The following UGT1A7 variants were observed in gnomAD, a reference collection of about 807,000 sequenced individuals.
UGT1A7 encodes UDP glucuronosyltransferase family 1 member A7, also known as UDP-glucuronosyltransferase 1A7.
UGT1A7 carries 33 observed loss-of-function variants against 45.6 expected under a neutral mutation model. The observed-to-expected ratio is 0.72, with a 90% CI of 0.55 to 0.97. The LOEUF (loss-of-function observed/expected upper bound fraction) is 0.97, where lower values mean the gene tolerates loss of function less well. Among genes scored for constraint, UGT1A7 ranks in the 50% least tolerant of loss-of-function variants. The probability of loss-of-function intolerance (pLI) is 0.00; values close to 1 mark genes in which losing one functional copy is unlikely to be tolerated. For missense variants in UGT1A7, 684 were observed against 666.2 expected (o/e 1.03, Z -0.29); for synonymous variants, 274 against 250.6 (o/e 1.09, Z -0.88).
Position 233,772,812 on chromosome 2 carries a change from C to A in UGT1A7, c.*253C>A. ...ATGACATGTGCCATTTTTCAGAGGA[C>A]GTGCAGACAGGCTGGCATTCTAGAT... is the stretch of plus-strand genomic sequence containing the variant. On this transcript the variant is annotated 3_prime_UTR_variant, in exon 5 of 5. Transcript: ENST00000373426. The A allele has an allele frequency of 1.9e-6, 2 of 1,035,896 alleles. No homozygotes were observed. Among genetic ancestry groups the A allele is most frequent in the Non-Finnish European group, 2.6e-6 (2 of 759,452 alleles). 64.2% of individuals were successfully genotyped at this position (1,035,896 alleles called of 1,614,324 possible). A position where few individuals can be genotyped will look rare whatever the true frequency, so the allele number is the denominator to read the frequency against.
Position 233,725,032 on chromosome 2 carries a change from C to T in UGT1A7, c.856-42002C>T, listed in dbSNP as rs1050826468. ...GCCAAACAGCAAAACCCGGTCTCCA[C>T]CAAAACCAGTCAGGCGTGGCGGCGC... On this transcript the variant is annotated intron_variant, in intron 1 of 4. Transcript: ENST00000373426. Among the ~76,000 whole-genome samples the T allele has an allele frequency of 4.4e-4, 66 of 148,404 alleles. 5 individuals are homozygous for T. Among genetic ancestry groups the T allele is most frequent in the Non-Finnish European group, 7.9e-4 (53 of 67,350 alleles).
chr2:233,747,590 G>A, intron 1 of UGT1A7: 3 of 1,576,970 alleles, frequency 1.9e-6, no homozygotes, highest in Non-Finnish European at 2.6e-6. Context: ...TCTTTCATAG[G>A]TCTTGTGTGG....
intron 1 of UGT1A7, among the ~76,000 whole-genome samples, chr2:233,750,112 A>G (rs965071088): frequency 7.2e-5 from 11 of 151,944 alleles, no homozygotes; most frequent in Middle Eastern, 3.2e-3. Flanking sequence ...AGAAGAAGAC[A>G]GGAAGATGTG....
chr2:233,747,449 C>G (rs1200553651), intron 1 of UGT1A7: 3 of 1,608,916 alleles, frequency 1.9e-6, no homozygotes, highest in Non-Finnish European at 2.6e-6. Flanking sequence ...CCCTGACAAC[C>G]TATGCCATTT....
intron 1 of UGT1A7, among the ~76,000 whole-genome samples, chr2:233,756,524 T>C (rs1159004453): frequency 6.6e-6 from 1 of 152,188 alleles, no homozygotes; most frequent in Non-Finnish European, 1.5e-5. Flanking sequence ...GTGCATGTTA[T>C]TCACTTTTCT....
intron 1 of UGT1A7, among the ~76,000 whole-genome samples, chr2:233,766,364 G>C (rs1381103193): frequency 6.6e-6 from 1 of 152,144 alleles, no homozygotes; most frequent in Non-Finnish European, 1.5e-5. Flanking sequence ...GTGCCTGTTG[G>C]TGAGTTCTTC....
intron 1 of UGT1A7, among the ~76,000 whole-genome samples, chr2:233,749,734 G>A (rs1231776352): frequency 4.0e-5 from 6 of 151,850 alleles, no homozygotes; most frequent in African/African-American, 1.5e-4. Flanking sequence ...GCACCTGCTG[G>A]TCTCATCATA....
At chr2:233,760,687 A>C in intron 1 of UGT1A7, 1 of 1,614,232 alleles carries the variant, frequency 6.2e-7, no homozygotes, top group Non-Finnish European at 8.5e-7. Context: ...ACTGCACAAC[A>C]AGGAGCTCAT....
intron 1 of UGT1A7, among the ~76,000 whole-genome samples, chr2:233,749,749 G>C (rs1286332209): frequency 2.0e-5 from 3 of 151,910 alleles, no homozygotes; most frequent in Non-Finnish European, 2.9e-5. Context: ...ATCATAGTGA[G>C]TGAGTTCTTA....
At chr2:233,687,583 TAAAA>T (rs71398794) in intron 1 of UGT1A7, among the ~76,000 whole-genome samples, 44,818 of 106,436 alleles carry the variant, frequency 0.42, 7,818 homozygotes, top group Middle Eastern at 0.48. Flanking sequence ...ACATTCTTTG[TAAAA>T]AAAAAAAAAA....
At chr2:233,751,260 C>A (rs1187773799) in intron 1 of UGT1A7, among the ~76,000 whole-genome samples, 1 of 151,902 alleles carries the variant, frequency 6.6e-6, no homozygotes, top group Non-Finnish European at 1.5e-5. Context: ...GGGCCTGTAG[C>A]CCCCTTTTTT....
intron 1 of UGT1A7, among the ~76,000 whole-genome samples, chr2:233,731,868 C>A (rs576370414): frequency 3.2e-4 from 49 of 152,324 alleles, no homozygotes; most frequent in African/African-American, 1.1e-3. Context: ...ACACTGTCTT[C>A]CACAATGGTT....
At chr2:233,685,871 C>T (rs1042918991) in intron 1 of UGT1A7, among the ~76,000 whole-genome samples, 1 of 152,122 alleles carries the variant, frequency 6.6e-6, no homozygotes, top group African/African-American at 2.4e-5. Flanking sequence ...ATACCTAAGA[C>T]AATCAATAAT....
intron 1 of UGT1A7, among the ~76,000 whole-genome samples, chr2:233,697,405 G>A (rs1009403736): frequency 2.0e-5 from 3 of 151,756 alleles, no homozygotes; most frequent in African/African-American, 7.3e-5. Context: ...TTGTATTTCT[G>A]TGGTGTCAGT....
chr2:233,708,348 TC>T (rs1318503121), intron 1 of UGT1A7: 2 of 152,232 alleles, frequency 1.3e-5, no homozygotes, highest in African/African-American at 4.8e-5. Flanking sequence ...AATTTTCATT[TC>T]CCTTATTAAT....
chr2:233,726,709 GA>G (rs2077554030), intron 1 of UGT1A7, among the ~76,000 whole-genome samples: 1 of 152,172 alleles, frequency 6.6e-6, no homozygotes, highest in African/African-American at 2.4e-5. Flanking sequence ...TCCCAGGTTT[GA>G]GGAAGTACAA....
At chr2:233,747,405 G>C (rs112085732) in intron 1 of UGT1A7, 2 of 1,607,054 alleles carry the variant, frequency 1.2e-6, no homozygotes, top group Non-Finnish European at 1.7e-6. Context: ...CACCCCAGAG[G>C]TGAATATGCA....
In UGT1A7 at chr2:233,682,422, C is replaced by T; in HGVS notation, c.485C>T (p.Ser162Phe). ...GGCTTAATTGTTGCCAAATATTTCT[C>T]CCTCCCCTCTGTGGTCTTCGCCAGG... ...ACGLIVAKYF[S>F]LPSVVFARGI... Residue 162 changes from serine to phenylalanine, a missense_variant, in exon 1 of 5, where the codon TCC becomes TTC. By Grantham distance (155) the Ser-to-Phe change is radical (BLOSUM62 -2). Coordinates refer to ENST00000373426, the MANE Select transcript of UGT1A7 (RefSeq NM_019077.3). 6.2e-7 allele frequency: 1 copy of T among 1,613,840 alleles called. No homozygotes were observed. Among genetic ancestry groups the T allele is most frequent in the Non-Finnish European group, 8.5e-7 (1 of 1,179,836 alleles).
chr2:233,767,313 T>G, intron 2 of UGT1A7, 148 bp downstream of exon 2: 1 of 1,512,132 alleles, frequency 6.6e-7, no homozygotes, highest in Non-Finnish European at 8.8e-7. Flanking sequence ...AGGTTTTTTT[T>G]GTTGTTGTGG....
Sources: allele counts gnomAD v4.1 joint callset (sites outside exome capture counted in the v4.1 genomes callset), GRCh38; gene constraint gnomAD v4.1.1; transcripts MANE v1.5; gene names NCBI Gene and HGNC (gene_info 2026-07-23, HGNC 2026-07-21).